Variants in TMEM51 observed in about 807,000 individuals in gnomAD.
The protein encoded by TMEM51 is chromosome 1 open reading frame 72.
In TMEM51, 8 loss-of-function variants were observed where a neutral mutation model predicts 13.6. The observed-to-expected ratio is 0.59, with a 90% CI of 0.35 to 1.07. TMEM51 has a LOEUF of 1.07. TMEM51 is among the 50% of genes least tolerant of loss of function. The pLI is 0.02. For synonymous variants in TMEM51, 147 were observed against 144.4 expected, an observed-to-expected ratio of 1.02 and a Z score of -0.13; for missense variants, 279 against 330.7, an observed-to-expected ratio of 0.84 and a Z score of 1.21.
intron 1 of TMEM51, chr1:15,171,113 CCACAT>C: frequency 1.8e-5 from 20 of 1,099,732 alleles, no homozygotes; most frequent in Non-Finnish European, 2.2e-5. Context: ...CCACCCCCCG[CCACAT>C]CCCCCACCCC....
chr1:15,171,038 T>G, intron 1 of TMEM51: 2 of 663,180 alleles, frequency 3.0e-6, no homozygotes, highest in Non-Finnish European at 4.4e-6. Context: ...ATCTTCAGCT[T>G]GTGTTAGAAT....
At chr1:15,171,125 C>A in intron 1 of TMEM51, 1 of 1,278,792 alleles carries the variant, frequency 7.8e-7, no homozygotes, top group Non-Finnish European at 1.0e-6. Context: ...ACATCCCCCA[C>A]CCCCAGTTGC....
chr1:15,171,264 A>G, intron 1 of TMEM51: 1 of 1,304,226 alleles, frequency 7.7e-7, no homozygotes, highest in Non-Finnish European at 1.0e-6. Flanking sequence ...TGCAGGTCAG[A>G]GTGGATGACG....
chr1:15,216,199 T>G lies in TMEM51; in HGVS notation c.344+768T>G, dbSNP rs1644430590. Reference sequence around the variant, plus strand: ...CCTTCACCCCAGCATGCTGTGTGTATGCTTTAATTTGAAATGGCTGGGAAG... The same window carrying G: ...CCTTCACCCCAGCATGCTGTGTGTAGGCTTTAATTTGAAATGGCTGGGAAG... On this transcript the variant is annotated intron_variant, in intron 3 of 3. Transcript: ENST00000376008. Among the ~76,000 whole-genome samples, 11 of 152,304 alleles carry G rather than the reference T, an allele frequency of 7.2e-5. No homozygotes were observed. In the South Asian group the frequency reaches 2.3e-3, roughly 32 times the overall value.
chr1:15,164,816 T>G (rs1642931221), intron 1 of TMEM51, among the ~76,000 whole-genome samples: 1 of 149,448 alleles, frequency 6.7e-6, no homozygotes, highest in African/African-American at 2.5e-5. Flanking sequence ...CCTTTTTTTT[T>G]TTTTTGAGAC....
intron 1 of TMEM51, among the ~76,000 whole-genome samples, chr1:15,189,267 G>A (rs1391328122): frequency 7.2e-6 from 1 of 138,316 alleles, no homozygotes; most frequent in Non-Finnish European, 1.5e-5. Context: ...TGTTAGCCAG[G>A]CTAGTCTCAA....
At chr1:15,192,305 G>T in intron 1 of TMEM51, 1 of 365,684 alleles carries the variant, frequency 2.7e-6, no homozygotes. Flanking sequence ...AGGATCTACT[G>T]GTCTTGAAAG....
chr1:15,161,176 G>A lies in TMEM51; in HGVS notation c.-267+7222G>A, dbSNP rs1573370257. On this transcript the variant is annotated intron_variant, in intron 1 of 3. Coordinates refer to ENST00000376008, the MANE Select transcript of TMEM51 (RefSeq NM_001136218.2). This position sits in a 1 kb window ranked among gnomAD's most constrained non-coding sequence, Gnocchi z 4.0. ...GCACTCAGGGCAGATGCTGAAGGCA[G>A]AGGTGGAAAAAGTATTTTATATAGT... Among the ~76,000 whole-genome samples the A allele has an allele frequency of 3.9e-5, 6 of 152,194 alleles. 1 individual carries two copies. Among genetic ancestry groups the A allele is most frequent in the Admixed American group, 3.9e-4 (6 of 15,300 alleles).
At chr1:15,185,906 T>C (rs573863148) in intron 1 of TMEM51, among the ~76,000 whole-genome samples, 24 of 152,292 alleles carry the variant, frequency 1.6e-4, no homozygotes, top group Admixed American at 1.3e-3. Flanking sequence ...CTTTTAAACG[T>C]CCACAGAGAC....
rs546786994 is a variant in TMEM51 at position 15,220,274 on chromosome 1, C to G, written c.*531C>G. 1 of 155,040 alleles carries G rather than the reference C, an allele frequency of 6.4e-6. No homozygotes were observed. Among genetic ancestry groups the G allele is most frequent in the East Asian group, 1.9e-4 (1 of 5,216 alleles). The allele number at this position is 155,040 out of a possible 1,614,324, so 9.6% of individuals were successfully genotyped here. A position where few individuals can be genotyped will look rare whatever the true frequency, so the allele number is the denominator to read the frequency against. ...TCAGGTGGCGGCTCTCGCAGAGCCC[C>G]TGATGCTGTTGTTCTTTGAGGGCTT... is the stretch of plus-strand genomic sequence containing the variant. On this transcript the variant is annotated 3_prime_UTR_variant, in exon 4 of 4. Coordinates refer to ENST00000376008, the MANE Select transcript of TMEM51 (RefSeq NM_001136218.2).
intron 2 of TMEM51, among the ~76,000 whole-genome samples, chr1:15,212,067 C>T (rs1008252910): frequency 1.3e-5 from 2 of 152,166 alleles, no homozygotes; most frequent in African/African-American, 4.8e-5. Flanking sequence ...ATTTATTACC[C>T]TGATCTGGAT....
At chr1:15,213,532 T>TGA (rs1644374798) in intron 2 of TMEM51, among the ~76,000 whole-genome samples, 2 of 152,176 alleles carry the variant, frequency 1.3e-5, no homozygotes, top group African/African-American at 4.8e-5. Flanking sequence ...CAAGGGGCAT[T>TGA]GCTTGCTCCT....
At chr1:15,158,671 A>G (rs369818310) in intron 1 of TMEM51, among the ~76,000 whole-genome samples, 9 of 152,046 alleles carry the variant, frequency 5.9e-5, no homozygotes, top group African/African-American at 1.9e-4. Flanking sequence ...CAGGTAGGAC[A>G]CCCCATTCTG....
At chr1:15,178,001 C>T (rs768681007) in intron 1 of TMEM51, among the ~76,000 whole-genome samples, 3 of 152,212 alleles carry the variant, frequency 2.0e-5, no homozygotes, top group Admixed American at 6.5e-5. Flanking sequence ...GACACACTGA[C>T]GTTCACCCAG....
chr1:15,190,317 G>C (rs1033048766), intron 1 of TMEM51, among the ~76,000 whole-genome samples: 2 of 152,190 alleles, frequency 1.3e-5, no homozygotes, highest in East Asian at 3.8e-4. Context: ...GGTCATCTGG[G>C]CTCAGAGGAA....
At chr1:15,209,724 A>G (rs984321186) in intron 1 of TMEM51, among the ~76,000 whole-genome samples, 3 of 152,082 alleles carry the variant, frequency 2.0e-5, no homozygotes, top group African/African-American at 7.2e-5. Context: ...CAACTTGATT[A>G]TGATGTGTTA....
intron 1 of TMEM51, among the ~76,000 whole-genome samples, chr1:15,189,072 G>A (rs1006544931): frequency 3.9e-5 from 6 of 152,022 alleles, no homozygotes; most frequent in Non-Finnish European, 5.9e-5. Context: ...ACAGAATCTC[G>A]CTGTGTTGCC....
intron 1 of TMEM51, among the ~76,000 whole-genome samples, chr1:15,183,157 C>T (rs572152238): frequency 9.8e-5 from 15 of 152,306 alleles, no homozygotes; most frequent in African/African-American, 3.6e-4. Flanking sequence ...ACATATGGAT[C>T]TATGGACTTT....
chr1:15,193,837 G>A (rs956156715), intron 1 of TMEM51, among the ~76,000 whole-genome samples: 2 of 152,178 alleles, frequency 1.3e-5, no homozygotes, highest in Non-Finnish European at 1.5e-5. Context: ...GATTACAGGC[G>A]TGAGCCACTG....
Sources: gnomAD v4.1 joint callset for allele counts (sites outside exome capture counted in the v4.1 genomes callset) on GRCh38, gnomAD v4.1.1 for gene constraint, Gnocchi (gnomAD v3.1) non-coding constraint, MANE v1.5 for transcripts, NCBI Gene and HGNC (gene_info 2026-07-23, HGNC 2026-07-21) for gene names.